The following KCNMA1 variants were observed in gnomAD, a reference collection of about 807,000 sequenced individuals.
KCNMA1 encodes potassium calcium-activated channel subfamily M alpha 1.
A neutral mutation model predicts 140.0 loss-of-function variants in KCNMA1; 29 were observed. That is an observed-to-expected ratio of 0.21 (90% confidence interval 0.15 to 0.28). KCNMA1 has a LOEUF of 0.28. Among genes scored for constraint, KCNMA1 ranks in the 10% least tolerant of loss-of-function variants. KCNMA1 has a pLI of 1.00. For missense variants in KCNMA1, 880 were observed against 1,602.2 expected (o/e 0.55, Z 7.70); for synonymous variants, 612 against 611.9 (o/e 1.00, Z 0.00).
chr10:77,035,824 G>A (rs143292346), intron 15 of KCNMA1, among the ~76,000 whole-genome samples: 136 of 152,296 alleles, frequency 8.9e-4, no homozygotes, highest in South Asian at 8.3e-3. Flanking sequence ...ACATTAACCC[G>A]TACTGACAGA....
At chr10:76,884,850 A>G (rs1321495554), downstream of KCNMA1, 7 of 1,293,596 alleles carry the variant, frequency 5.4e-6, no homozygotes, top group African/African-American at 1.5e-5. Flanking sequence ...AACAATATAA[A>G]TAAAAATAAA....
chr10:76,966,604 T>G (rs891023846), intron 20 of KCNMA1, among the ~76,000 whole-genome samples: 1 of 152,178 alleles, frequency 6.6e-6, no homozygotes, highest in South Asian at 2.1e-4. Flanking sequence ...AGGAAAGACG[T>G]GGCTATCCTT....
At chr10:77,413,150 C>T (rs535887195) in intron 1 of KCNMA1, among the ~76,000 whole-genome samples, 2 of 152,254 alleles carry the variant, frequency 1.3e-5, no homozygotes, top group South Asian at 2.1e-4. Flanking sequence ...TGAGCCACCT[C>T]GCCCGGCCCC....
chr10:77,269,658 A>G (rs1292995107), intron 2 of KCNMA1, among the ~76,000 whole-genome samples: 1 of 152,176 alleles, frequency 6.6e-6, no homozygotes. Flanking sequence ...TGAACAGCCA[A>G]TGGGTGGGAT....
At chr10:77,230,180 AGC>A (rs2053106600) in intron 3 of KCNMA1, among the ~76,000 whole-genome samples, 1 of 152,244 alleles carries the variant, frequency 6.6e-6, no homozygotes, top group Non-Finnish European at 1.5e-5. Context: ...CAATGAAGGA[AGC>A]CAGACACAAA....
chr10:76,948,646 G>A (rs2065123736), intron 22 of KCNMA1, among the ~76,000 whole-genome samples: 1 of 152,168 alleles, frequency 6.6e-6, no homozygotes, highest in South Asian at 2.1e-4. Context: ...TAAATGAACA[G>A]GGGTTGGGGC....
chr10:77,637,106 G>T, intron 1 of KCNMA1, 159 bp downstream of exon 1: 1 of 1,279,820 alleles, frequency 7.8e-7, no homozygotes, highest in Non-Finnish European at 1.0e-6. Context: ...GCCCCGATCC[G>T]AGAGCACCGG....
At chr10:77,220,860 C>G (rs961928380) in intron 3 of KCNMA1, among the ~76,000 whole-genome samples, 9 of 152,188 alleles carry the variant, frequency 5.9e-5, no homozygotes, top group African/African-American at 1.2e-4. Flanking sequence ...TGAGATGTCT[C>G]TAGCGGTCAC....
intron 1 of KCNMA1, among the ~76,000 whole-genome samples, chr10:77,406,341 G>A (rs1383249375): frequency 6.6e-6 from 1 of 152,112 alleles, no homozygotes; most frequent in East Asian, 1.9e-4. Flanking sequence ...GGACAGTACT[G>A]CCAGCCCCTC....
chr10:77,612,494 C>T (rs1256566909), intron 1 of KCNMA1, among the ~76,000 whole-genome samples: 1 of 152,140 alleles, frequency 6.6e-6, no homozygotes, highest in Non-Finnish European at 1.5e-5. Flanking sequence ...GGGTTCATTG[C>T]GCTCCATTTC....
intron 1 of KCNMA1, among the ~76,000 whole-genome samples, chr10:77,496,733 C>A (rs1438507815): frequency 1.3e-5 from 2 of 151,878 alleles, no homozygotes; most frequent in African/African-American, 2.4e-5. Flanking sequence ...TGAACATCCT[C>A]ATTTTACATA....
chr10:77,607,708 C>T (rs2085051048), intron 1 of KCNMA1, among the ~76,000 whole-genome samples: 2 of 152,096 alleles, frequency 1.3e-5, no homozygotes, highest in Non-Finnish European at 2.9e-5. Context: ...AACGACTTGC[C>T]CCTCAGAGCC....
At chr10:77,558,817 A>C (rs1212716259) in intron 1 of KCNMA1, among the ~76,000 whole-genome samples, 2 of 152,240 alleles carry the variant, frequency 1.3e-5, no homozygotes, top group Non-Finnish European at 1.5e-5. Flanking sequence ...GGAAGTAAGC[A>C]TCAAGCCAGG....
At chr10:77,098,858 T>C (rs955749468) in intron 9 of KCNMA1, among the ~76,000 whole-genome samples, 1 of 152,042 alleles carries the variant, frequency 6.6e-6, no homozygotes, top group East Asian at 1.9e-4. Context: ...ATTCCTCCTA[T>C]GCCTCCCTCC....
intron 1 of KCNMA1, among the ~76,000 whole-genome samples, chr10:77,631,798 G>T (rs568360610): frequency 1.3e-5 from 2 of 152,290 alleles, no homozygotes; most frequent in South Asian, 4.1e-4. Flanking sequence ...CAAACAGCAG[G>T]GGGCAGGCAG....
At chr10:77,521,615 C>G (rs1011483876) in intron 1 of KCNMA1, among the ~76,000 whole-genome samples, 7 of 152,198 alleles carry the variant, frequency 4.6e-5, no homozygotes, top group African/African-American at 1.7e-4. Flanking sequence ...AAGTGAGGCT[C>G]TTGGATAAAT....
chr10:77,339,279 G>A (rs951534187), intron 2 of KCNMA1, among the ~76,000 whole-genome samples: 2 of 151,872 alleles, frequency 1.3e-5, no homozygotes, highest in Admixed American at 1.3e-4. Context: ...TCAATAAAGT[G>A]ATATTTTAGA....
At chr10:77,266,365 G>C (rs967103721) in intron 2 of KCNMA1, among the ~76,000 whole-genome samples, 1 of 152,138 alleles carries the variant, frequency 6.6e-6, no homozygotes, top group Non-Finnish European at 1.5e-5. Flanking sequence ...AGAGGGGAGA[G>C]AACAGCTCCC....
chr10:77,238,781 T>G (rs2154220132), intron 3 of KCNMA1, among the ~76,000 whole-genome samples: 1 of 152,354 alleles, frequency 6.6e-6, no homozygotes, highest in East Asian at 1.9e-4. Flanking sequence ...TGAATCCATC[T>G]TAAGAGAATA....
Sources: allele counts gnomAD v4.1 joint callset (sites outside exome capture counted in the v4.1 genomes callset), GRCh38; gene constraint gnomAD v4.1.1; transcripts MANE v1.5; gene names NCBI Gene and HGNC (gene_info 2026-07-23, HGNC 2026-07-21).